SETD2: variants seen among roughly 807,000 people sequenced by gnomAD.
SETD2 encodes the protein histone-lysine N-methyltransferase SETD2.
SETD2 carries 31 observed loss-of-function variants against 242.1 expected under a neutral mutation model. The observed-to-expected ratio is 0.13, with a 90% CI of 0.10 to 0.17. SETD2 has a LOEUF of 0.17. Ranked by LOEUF, SETD2 falls within the 10% of genes least tolerant of loss-of-function variation. SETD2 has a pLI of 1.00. For missense variants in SETD2, 2,481 were observed against 3,046.3 expected (o/e 0.81, Z 4.37); for synonymous variants, 1,006 against 1,066.5 (o/e 0.94, Z 1.11).
chr3:47,063,898 G>A (rs1437551010), intron 13 of SETD2, among the ~76,000 whole-genome samples: 1 of 152,036 alleles, frequency 6.6e-6, no homozygotes. Context: ...CAGGAGAATG[G>A]CTTGAACCCG....
chr3:47,075,482 T>C (rs9883152), intron 12 of SETD2, among the ~76,000 whole-genome samples: 6,256 of 147,184 alleles, frequency 0.043, 456 homozygotes, highest in African/African-American at 0.15. Flanking sequence ...GAGAATCGTT[T>C]GAACCCAGGA....
At chr3:47,058,386 A>G (rs1331028632) in intron 14 of SETD2, among the ~76,000 whole-genome samples, 1 of 133,268 alleles carries the variant, frequency 7.5e-6, no homozygotes, top group Admixed American at 8.8e-5. Flanking sequence ...GGTGGGAGTG[A>G]GCTGAGACTA....
In SETD2 at chr3:47,120,665, T is replaced by C. The variant is rs1476602371; in HGVS notation, c.3971A>G (p.Gln1324Arg). 6.2e-7 allele frequency: 1 copy of C among 1,614,112 alleles called. No individual in the cohort carries two copies. Among genetic ancestry groups the C allele is most frequent in the South Asian group, 1.1e-5 (1 of 91,084 alleles). ...TGTTAGGGAATCTGGTACTTGTCCT[T>C]GAGTTCGATCATACACAACCCCAGT... is the stretch of plus-strand genomic sequence containing the variant. ...PGTGVVYDRT[Q>R]GQVPDSLTDD... is the part of the protein sequence containing the mutation. The change falls in exon 3 of 21, where the codon CAA becomes CGA. Residue 1324 changes from glutamine to arginine, a missense_variant. Gln to Arg is a conservative substitution (Grantham distance 43, BLOSUM62 1). Coordinates refer to ENST00000409792, the MANE Select transcript of SETD2 (RefSeq NM_014159.7).
chr3:47,158,894 C>T (rs145299807), intron 1 of SETD2, among the ~76,000 whole-genome samples: 19 of 152,090 alleles, frequency 1.2e-4, no homozygotes, highest in African/African-American at 4.3e-4. Flanking sequence ...CAGAGGTTAC[C>T]GAAGAGGTAA....
chr3:47,107,178 T>C (rs1482529194), intron 5 of SETD2, among the ~76,000 whole-genome samples: 3 of 152,218 alleles, frequency 2.0e-5, no homozygotes, highest in African/African-American at 7.2e-5. Context: ...TGTTTTACTC[T>C]GAAGTTCTGA....
At chr3:47,029,133 G>C (rs1286447470) in intron 18 of SETD2, 1 of 156,932 alleles carries the variant, frequency 6.4e-6, no homozygotes, top group African/African-American at 2.4e-5. Context: ...CATGATCTTG[G>C]CTCACTGCAG....
In SETD2 at chr3:47,050,015, CAT is replaced by C. The variant is rs942387566; in HGVS notation, c.6964-3396_6964-3395del. On this transcript the variant is annotated intron_variant, in intron 15 of 20. Transcript: ENST00000409792. ...AATTTATGTTTCTTATATATATAAA[CAT>C]ATATATATATGGGAAAAACATACAT... Among the ~76,000 whole-genome samples the C allele has an allele frequency of 5.2e-3, 762 of 145,670 alleles. 8 individuals carry two copies. The highest frequency in any genetic ancestry group is 0.018 in the African/African-American group (722 of 40,024).
At chr3:47,137,293 A>G (rs1190337563) in intron 1 of SETD2, among the ~76,000 whole-genome samples, 5 of 151,928 alleles carry the variant, frequency 3.3e-5, no homozygotes, top group Non-Finnish European at 4.4e-5. Flanking sequence ...CCTGGGTTCA[A>G]GCGATTCTCC....
At chr3:47,098,858 T>A (rs755014528) in intron 8 of SETD2, among the ~76,000 whole-genome samples, 6 of 152,108 alleles carry the variant, frequency 3.9e-5, no homozygotes, top group Non-Finnish European at 5.9e-5. Context: ...TAGGATATGA[T>A]AGTGGCAATT....
chr3:47,103,257 ATGAG>A (rs757691649), intron 7 of SETD2, 85 bp downstream of exon 7: 1 of 810,770 alleles, frequency 1.2e-6, no homozygotes, highest in Non-Finnish European at 2.1e-6. Context: ...TAAAAAATTC[ATGAG>A]TACCTTAGAT....
At chr3:47,157,985 A>C (rs2106846873) in intron 1 of SETD2, among the ~76,000 whole-genome samples, 1 of 152,286 alleles carries the variant, frequency 6.6e-6, no homozygotes, top group South Asian at 2.1e-4. Context: ...ATAGGTAAGG[A>C]GTAATTAAGA....
rs2106699813 is a variant in SETD2 at position 47,123,278 on chromosome 3, T to C, written c.1358A>G (p.Asn453Ser). Residue 453 changes from asparagine (N) to serine (S), a missense_variant, in exon 3 of 21, where the codon AAC becomes AGC. This residue lies in a region of SETD2 where 1,300 missense variants were observed against 1,259.2 expected (regional missense o/e 1.03). Transcript: ENST00000409792. The stretch of plus-strand genomic sequence containing the variant: ...TGAGTCAGAACTCTCTCGTGCTCTG[T>C]TATCTGTGTATGGCCGAGAATAGCG... ...RTRYSRPYTDNRARESSDSEE... is the reference protein window; with the variant it reads ...RTRYSRPYTDSRARESSDSEE... 6.4e-7 allele frequency: 1 copy of C among 1,552,346 alleles called. No homozygotes were observed. Among genetic ancestry groups the C allele is most frequent in the Non-Finnish European group, 8.7e-7 (1 of 1,147,142 alleles).
At chr3:47,150,087 T>C (rs1330904512) in intron 1 of SETD2, among the ~76,000 whole-genome samples, 1 of 136,198 alleles carries the variant, frequency 7.3e-6, no homozygotes, top group Admixed American at 8.5e-5. Flanking sequence ...TGGAGTGCAG[T>C]GGCGCAATCT....
At chr3:47,157,193 GT>G in intron 1 of SETD2, among the ~76,000 whole-genome samples, 1 of 152,160 alleles carries the variant, frequency 6.6e-6, no homozygotes, top group East Asian at 1.9e-4. Context: ...AGCCTGGGAA[GT>G]TGAGGCTACA....
At position 47,057,494 on chromosome 3, in the gene SETD2, G is replaced by A. The variant is rs2107578429; in HGVS notation, c.6294-4C>T. 6.2e-7 allele frequency: 1 copy of A among 1,609,928 alleles called. No individual in the cohort carries two copies. Among genetic ancestry groups the A allele is most frequent in the Non-Finnish European group, 8.5e-7 (1 of 1,177,002 alleles). The stretch of plus-strand genomic sequence containing the variant: ...TTTAGAAGTTGGTGTATCATATCTA[G>A]AAAGAAAATAAGGACCACAAAAAGT... On this transcript the variant is annotated splice_polypyrimidine_tract_variant and splice_region_variant and intron_variant, in intron 14 of 20. Transcript: ENST00000409792.
intron 5 of SETD2, among the ~76,000 whole-genome samples, chr3:47,107,505 T>C (rs1270867325): frequency 6.6e-6 from 1 of 151,978 alleles, no homozygotes; most frequent in Non-Finnish European, 1.5e-5. Flanking sequence ...CACATTTAGG[T>C]CTCAATAATA....
At chr3:47,064,585 GA>G in intron 13 of SETD2, 1 of 368,220 alleles carries the variant, frequency 2.7e-6, no homozygotes, top group Non-Finnish European at 5.8e-6. Context: ...CTGCACCTTA[GA>G]ATATGTGAGG....
chr3:47,059,249 T>C (rs1559675506), intron 14 of SETD2, among the ~76,000 whole-genome samples: 2 of 150,484 alleles, frequency 1.3e-5, no homozygotes, highest in African/African-American at 4.9e-5. Flanking sequence ...CCCCAGTAAC[T>C]GGGATTACAG....
intron 8 of SETD2, 168 bp from the exon 9 acceptor site, chr3:47,098,249 C>T (rs1331223440): frequency 6.2e-6 from 3 of 486,314 alleles, no homozygotes; most frequent in Non-Finnish European, 1.0e-5. Context: ...TGTCTGAAAA[C>T]TGCTCTTTAA....
Sources: gnomAD v4.1 joint callset for allele counts (sites outside exome capture counted in the v4.1 genomes callset) on GRCh38, gnomAD v4.1.1 for gene constraint, gnomAD v4.1.1 regional missense constraint, MANE v1.5 for transcripts, NCBI Gene and HGNC (gene_info 2026-07-23, HGNC 2026-07-21) for gene names.